The following NAALADL2 variants were observed in gnomAD, a reference collection of about 807,000 sequenced individuals.
NAALADL2 encodes inactive N-acetylated-alpha-linked acidic dipeptidase-like protein 2.
In NAALADL2, 76 loss-of-function variants were observed where a neutral mutation model predicts 87.2. That is an observed-to-expected ratio of 0.87 (90% confidence interval 0.72 to 1.05). NAALADL2 has a LOEUF of 1.05. Among genes scored for constraint, NAALADL2 ranks in the 50% least tolerant of loss-of-function variants. The pLI, the probability that NAALADL2 is intolerant of heterozygous loss-of-function variation, is 0.00. For missense variants in NAALADL2, 1,089 were observed against 945.8 expected (o/e 1.15, Z -1.99); for synonymous variants, 354 against 331.0 (o/e 1.07, Z -0.75).
chr3:175,707,238 A>G (rs1395012965), intron 11 of NAALADL2, among the ~76,000 whole-genome samples: 1 of 152,144 alleles, frequency 6.6e-6, no homozygotes, highest in Non-Finnish European at 1.5e-5. Context: ...TTCCTGGCAC[A>G]AAAGCAATCA....
At chr3:174,769,097 G>A (rs923584468) in intron 3 of NAALADL2, among the ~76,000 whole-genome samples, 15 of 151,754 alleles carry the variant, frequency 9.9e-5, no homozygotes, top group Non-Finnish European at 1.9e-4. Flanking sequence ...CCTTGAATAA[G>A]CACTGGAAGA....
At chr3:175,233,812 C>T (rs1745376994) in intron 2 of NAALADL2, 119 bp from the exon 3 acceptor site, 21 of 635,516 alleles carry the variant, frequency 3.3e-5, no homozygotes. Context: ...GGTCCTGTCT[C>T]ATTCATCTTT....
chr3:175,707,662 G>A (rs191065868), intron 11 of NAALADL2, among the ~76,000 whole-genome samples: 144 of 152,144 alleles, frequency 9.5e-4, no homozygotes, highest in African/African-American at 3.3e-3. Context: ...GGAGAAATAC[G>A]TTTATAGAGA....
chr3:175,589,045 T>A (rs1241761290), intron 10 of NAALADL2, among the ~76,000 whole-genome samples: 2 of 152,206 alleles, frequency 1.3e-5, no homozygotes, highest in African/African-American at 4.8e-5. Flanking sequence ...TATTTAGATA[T>A]TTTTTGACAG....
At chr3:175,790,490 T>G (rs1345939807) in intron 13 of NAALADL2, among the ~76,000 whole-genome samples, 1 of 152,204 alleles carries the variant, frequency 6.6e-6, no homozygotes, top group East Asian at 1.9e-4. Context: ...ACTGAAACAC[T>G]CATTATCAAT....
At chr3:174,711,985 G>T (rs899472940) in intron 2 of NAALADL2, among the ~76,000 whole-genome samples, 4 of 151,950 alleles carry the variant, frequency 2.6e-5, no homozygotes, top group South Asian at 2.1e-4. Flanking sequence ...TTTTAGTAGA[G>T]ACGGGGTTTC....
chr3:175,732,079 A>G (rs750128781), intron 11 of NAALADL2, among the ~76,000 whole-genome samples: 2 of 152,210 alleles, frequency 1.3e-5, no homozygotes, highest in African/African-American at 2.4e-5. Flanking sequence ...TCTATTGCAC[A>G]CAATTCATTT....
intron 1 of NAALADL2, among the ~76,000 whole-genome samples, chr3:174,939,705 T>C (rs1379781187): frequency 2.6e-5 from 4 of 152,088 alleles, no homozygotes; most frequent in African/African-American, 9.7e-5. Flanking sequence ...ATAATTCTTA[T>C]TGTAGAGATC....
chr3:175,734,134 C>G (rs1170310664), intron 11 of NAALADL2, among the ~76,000 whole-genome samples: 1 of 152,216 alleles, frequency 6.6e-6, no homozygotes, highest in Non-Finnish European at 1.5e-5. Context: ...CGTGGTGCCC[C>G]AGTAGGGACT....
chr3:175,296,881 C>T (rs1369482154), intron 4 of NAALADL2, among the ~76,000 whole-genome samples: 5 of 152,020 alleles, frequency 3.3e-5, no homozygotes, highest in Non-Finnish European at 7.4e-5. Context: ...CATTTTCTGA[C>T]TGAGAGGTAG....
chr3:175,749,156 G>T (rs1242748154), intron 12 of NAALADL2, among the ~76,000 whole-genome samples: 1 of 110,714 alleles, frequency 9.0e-6, no homozygotes, highest in African/African-American at 3.9e-5. Context: ...GGAAGGGAGG[G>T]GAGGGGAAGG....
intron 2 of NAALADL2, among the ~76,000 whole-genome samples, chr3:174,572,838 T>C (rs1486460656): frequency 6.6e-6 from 1 of 152,188 alleles, no homozygotes; most frequent in African/African-American, 2.4e-5. Flanking sequence ...ATTACTAGAA[T>C]GTTTGGAATG....
At chr3:174,857,417 C>T (rs1270741815), upstream of NAALADL2, among the ~76,000 whole-genome samples, 3 of 152,124 alleles carry the variant, frequency 2.0e-5, no homozygotes, top group Admixed American at 1.3e-4. Context: ...AAGAATAGGA[C>T]TTCTCTATTC....
In NAALADL2 at chr3:174,530,512, C is replaced by T. The variant is rs143199214; in HGVS notation, c.-183-20057C>T. Among the ~76,000 whole-genome samples the T allele has an allele frequency of 1.8e-4, 28 of 152,186 alleles. 1 individual carries two copies. In the East Asian group the frequency reaches 4.8e-3, roughly 26 times the overall value. On this transcript the variant is annotated intron_variant, in intron 1 of 3. Coordinates refer to the NAALADL2 transcript ENST00000434257. The stretch of plus-strand genomic sequence containing the variant: ...CTAGTACGAATTTACTGTGTTAGTC[C>T]GTTTTCATGCTGCTGATAAAGACAT...
intron 9 of NAALADL2, among the ~76,000 whole-genome samples, chr3:175,540,424 G>C (rs1712105232): frequency 6.6e-6 from 1 of 152,202 alleles, no homozygotes; most frequent in South Asian, 2.1e-4. Context: ...TGAGGTCAGA[G>C]AGCACAGGGG....
rs77489758 is a variant in NAALADL2 at position 175,739,856 on chromosome 3, T to C, written c.1990+2457T>C. Among the ~76,000 whole-genome samples, 19 of 152,336 alleles carry C rather than the reference T, an allele frequency of 1.2e-4. No homozygotes were observed. The East Asian group carries it at 3.7e-3, about 29-fold the overall frequency. On this transcript the variant is annotated intron_variant, in intron 12 of 13. Transcript: ENST00000454872. ...GAAAATAGCACTATGCTCAAACTAA[T>C]ATCAATCACTAAATGCCATAATATT...
At chr3:175,581,197 T>C in intron 10 of NAALADL2, 1 of 348,694 alleles carries the variant, frequency 2.9e-6, no homozygotes, top group African/African-American at 2.1e-5. Context: ...ATCTCTGCCC[T>C]TTGTGAGGCT....
intron 1 of NAALADL2, among the ~76,000 whole-genome samples, chr3:174,491,683 T>C (rs1718202277): frequency 6.6e-6 from 1 of 152,184 alleles, no homozygotes; most frequent in African/African-American, 2.4e-5. Context: ...TTTTCCAACA[T>C]TGATGTCGCA....
At chr3:174,525,955 A>C (rs974654096) in intron 1 of NAALADL2, among the ~76,000 whole-genome samples, 19 of 152,324 alleles carry the variant, frequency 1.2e-4, no homozygotes, top group African/African-American at 4.6e-4. Context: ...TCTGAGTTTC[A>C]TAGATTTTAA....
Sources: allele counts gnomAD v4.1 joint callset (sites outside exome capture counted in the v4.1 genomes callset), GRCh38; gene constraint gnomAD v4.1.1; transcripts MANE v1.5; gene names NCBI Gene and HGNC (gene_info 2026-07-23, HGNC 2026-07-21).